PALM2AKAP2: variants seen among roughly 807,000 people sequenced by gnomAD.
PALM2AKAP2 encodes PALM2 and AKAP2 fusion.
PALM2AKAP2 carries 37 observed loss-of-function variants against 71.5 expected under a neutral mutation model. The ratio of observed to expected loss-of-function variants is 0.52; its 90% CI spans 0.40 to 0.68. The LOEUF is 0.68. PALM2AKAP2 is among the 30% of genes least tolerant of loss of function. The pLI is 0.00. For synonymous variants in PALM2AKAP2, 468 were observed against 478.8 expected, an observed-to-expected ratio of 0.98 and a Z score of 0.29; for missense variants, 1,224 against 1,191.8, an observed-to-expected ratio of 1.03 and a Z score of -0.40.
chr9:110,122,184 C>T (rs527306930), intron 1 of PALM2AKAP2, among the ~76,000 whole-genome samples: 11 of 152,260 alleles, frequency 7.2e-5, no homozygotes, highest in Middle Eastern at 3.4e-3. Context: ...TGCATGCCAC[C>T]GAACCTGGCT....
chr9:109,851,587 C>T (rs1183971836), intron 1 of PALM2AKAP2, among the ~76,000 whole-genome samples: 3 of 152,118 alleles, frequency 2.0e-5, no homozygotes, highest in Admixed American at 6.5e-5. Context: ...AGCAAAGTAC[C>T]ATGGAAGGAC....
chr9:109,794,384 A>G (rs903475681), intron 1 of PALM2AKAP2, among the ~76,000 whole-genome samples: 2 of 143,784 alleles, frequency 1.4e-5, no homozygotes, highest in African/African-American at 5.2e-5. Flanking sequence ...GAGGGAAAGC[A>G]CTGCAGATTT....
At chr9:109,683,389 G>C (rs191830475) in intron 1 of PALM2AKAP2, among the ~76,000 whole-genome samples, 1 of 152,178 alleles carries the variant, frequency 6.6e-6, no homozygotes, top group East Asian at 1.9e-4. Context: ...CATGAGAGAA[G>C]GTCATGTGGA....
chr9:109,871,750 C>A (rs1332608599), intron 2 of PALM2AKAP2, among the ~76,000 whole-genome samples: 1 of 151,988 alleles, frequency 6.6e-6, no homozygotes, highest in Non-Finnish European at 1.5e-5. Flanking sequence ...TATGTGGGTT[C>A]TTTTTAATAC....
intron 1 of PALM2AKAP2, among the ~76,000 whole-genome samples, chr9:109,729,001 G>C (rs1220505489): frequency 6.6e-6 from 1 of 152,196 alleles, no homozygotes; most frequent in Non-Finnish European, 1.5e-5. Context: ...ATGTTAAACT[G>C]AGATAGTCCT....
intron 1 of PALM2AKAP2, among the ~76,000 whole-genome samples, chr9:110,112,163 TG>T (rs1360400168): frequency 6.6e-6 from 1 of 151,602 alleles, no homozygotes; most frequent in Non-Finnish European, 1.5e-5. Flanking sequence ...CAGGTACAGG[TG>T]GGAGACACAG....
chr9:109,931,823 C>A, intron 5 of PALM2AKAP2, 104 bp from the exon 6 acceptor site: 1 of 1,304,904 alleles, frequency 7.7e-7, no homozygotes. Flanking sequence ...CAGTGGCCGC[C>A]TCAGCGGTCC....
intron 1 of PALM2AKAP2, among the ~76,000 whole-genome samples, chr9:109,804,018 C>T (rs1313327369): frequency 6.6e-6 from 1 of 152,204 alleles, no homozygotes; most frequent in Non-Finnish European, 1.5e-5. Context: ...TCCCAGGTAG[C>T]TCCAGAGAAA....
intron 6 of PALM2AKAP2, among the ~76,000 whole-genome samples, chr9:109,947,332 G>GGAA (rs1831531865): frequency 6.6e-6 from 1 of 152,124 alleles, no homozygotes. Context: ...TAAAAGGAGG[G>GGAA]GAAGTATAAG....
At chr9:109,812,140 G>A (rs915345331) in intron 1 of PALM2AKAP2, among the ~76,000 whole-genome samples, 3 of 152,252 alleles carry the variant, frequency 2.0e-5, no homozygotes, top group African/African-American at 7.2e-5. Context: ...GAGGGCAGCT[G>A]GCCATCTGAA....
intron 1 of PALM2AKAP2, among the ~76,000 whole-genome samples, chr9:110,065,497 G>T (rs1834059525): frequency 6.6e-6 from 1 of 152,162 alleles, no homozygotes; most frequent in African/African-American, 2.4e-5. Flanking sequence ...AGAGTGTGGG[G>T]TCTTAGGTGT....
exon 6 of PALM2AKAP2, chr9:109,932,025 G>T (rs763982997): frequency 6.2e-7 from 1 of 1,612,296 alleles, no homozygotes; most frequent in Admixed American, 1.7e-5. Flanking sequence ...CAGCAGAGCG[G>T]CTGGTAAGTC....
chr9:110,142,592 A>G (rs940002307), intron 2 of PALM2AKAP2, among the ~76,000 whole-genome samples: 1 of 152,204 alleles, frequency 6.6e-6, no homozygotes, highest in Non-Finnish European at 1.5e-5. Flanking sequence ...GGAAGACCAT[A>G]TCATTTGGAG....
At chr9:110,130,313 G>C (rs975597050) in intron 1 of PALM2AKAP2, among the ~76,000 whole-genome samples, 5 of 152,142 alleles carry the variant, frequency 3.3e-5, no homozygotes, top group Non-Finnish European at 5.9e-5. Flanking sequence ...CAAAAAGTCT[G>C]GTAGGACTTT....
chr9:110,022,550 C>CT lies in PALM2AKAP2; in HGVS notation c.582+6520dup, dbSNP rs965282943. The stretch of plus-strand genomic sequence containing the variant: ...CCCTCCTCCAGTGGCACATTCTTTT[C>CT]TTTTTTTTTCTTTATTTTTATTTTA... On this transcript the variant is annotated intron_variant, in intron 7 of 9. Transcript: ENST00000302798. Among the ~76,000 whole-genome samples the CT allele has an allele frequency of 9.3e-5, 14 of 150,042 alleles. No individual in the cohort carries two copies. The South Asian group carries it at 1.3e-3, about 14-fold the overall frequency.
chr9:110,040,847 A>G (rs1337273350), intron 7 of PALM2AKAP2, among the ~76,000 whole-genome samples: 2 of 152,224 alleles, frequency 1.3e-5, no homozygotes, highest in Non-Finnish European at 2.9e-5. Flanking sequence ...ACTGTTTTCC[A>G]GCATTCTATC....
intron 7 of PALM2AKAP2, among the ~76,000 whole-genome samples, chr9:110,032,995 A>C (rs1387006685): frequency 6.6e-6 from 1 of 152,158 alleles, no homozygotes; most frequent in East Asian, 1.9e-4. Flanking sequence ...ATATTTAAGC[A>C]GGGTCAAATT....
At chr9:109,864,684 C>T (rs1564186337) in intron 1 of PALM2AKAP2, among the ~76,000 whole-genome samples, 1 of 152,198 alleles carries the variant, frequency 6.6e-6, no homozygotes, top group Non-Finnish European at 1.5e-5. Context: ...TGTTTTTGAA[C>T]TACAATGGTA....
At chr9:110,164,328 C>CATATTAAATA (rs1389714765) in intron 3 of PALM2AKAP2, among the ~76,000 whole-genome samples, 1 of 152,024 alleles carries the variant, frequency 6.6e-6, no homozygotes, top group African/African-American at 2.4e-5. Flanking sequence ...TTTAACATAT[C>CATATTAAATA]TGTCTTTTGT....
Sources: allele counts gnomAD v4.1 joint callset (sites outside exome capture counted in the v4.1 genomes callset), GRCh38; gene constraint gnomAD v4.1.1; transcripts MANE v1.5; gene names NCBI Gene and HGNC (gene_info 2026-07-23, HGNC 2026-07-21).